Variants in UTP4 observed in about 807,000 individuals in gnomAD.
UTP4 encodes UTP4 small subunit processome component.
In UTP4, 45 loss-of-function variants were observed where a neutral mutation model predicts 82.4. That is an observed-to-expected ratio of 0.55 (90% CI 0.43 to 0.70). The LOEUF (loss-of-function observed/expected upper bound fraction) is 0.70. Among genes scored for constraint, UTP4 ranks in the 30% least tolerant of loss-of-function variants. The probability of loss-of-function intolerance (pLI) is 0.00; values close to 1 mark genes in which losing one functional copy is unlikely to be tolerated. For synonymous variants in UTP4, 348 were observed against 300.3 expected, an observed-to-expected ratio of 1.16 and a Z score of -1.64; for missense variants, 819 against 858.3, an observed-to-expected ratio of 0.95 and a Z score of 0.57.
intron 11 of UTP4, among the ~76,000 whole-genome samples, chr16:69,156,630 T>C (rs1487665706): frequency 6.6e-6 from 1 of 151,980 alleles, no homozygotes; most frequent in Admixed American, 6.6e-5. Context: ...GGCTACTTTT[T>C]GTATTTTTAG....
At chr16:69,142,710 C>T (rs1190640875) in intron 5 of UTP4, among the ~76,000 whole-genome samples, 2 of 152,194 alleles carry the variant, frequency 1.3e-5, no homozygotes, top group African/African-American at 2.4e-5. Flanking sequence ...CAAATTTTGT[C>T]ACTGATCTCT....
At chr16:69,157,706 C>T (rs1407912406) in intron 12 of UTP4, among the ~76,000 whole-genome samples, 1 of 151,854 alleles carries the variant, frequency 6.6e-6, no homozygotes, top group Non-Finnish European at 1.5e-5. Flanking sequence ...GTTATCTTCC[C>T]ATCTCAGCAT....
chr16:69,168,117 C>T (rs1963745054), intron 16 of UTP4, among the ~76,000 whole-genome samples: 1 of 152,106 alleles, frequency 6.6e-6, no homozygotes, highest in South Asian at 2.1e-4. Flanking sequence ...CCTGCTGAGA[C>T]CTTTTATGAG....
rs1280715489 is a variant in UTP4, at chr16:69,140,661, G to A, written c.526+747G>A. ...TGCACTCCAGCCTGACAACAAGAGT[G>A]AAACTGCGTCTCAAAAAAAAAAAAT... is the stretch of plus-strand genomic sequence containing the variant. On this transcript the variant is annotated intron_variant, in intron 5 of 16. Transcript: ENST00000314423. 2.6e-5 allele frequency among the ~76,000 whole-genome samples: 4 copies of A among 151,158 alleles called. No individual in the cohort carries two copies. The East Asian group carries it at 7.7e-4, about 29-fold the overall frequency.
intron 2 of UTP4, among the ~76,000 whole-genome samples, chr16:69,134,687 T>C (rs1236253047): frequency 1.3e-5 from 2 of 150,352 alleles, no homozygotes; most frequent in Non-Finnish European, 3.0e-5. Flanking sequence ...TGTGATTTTC[T>C]TTTTTTTTCT....
chr16:69,165,812 TAC>T, intron 15 of UTP4: 1 of 541,856 alleles, frequency 1.8e-6, no homozygotes, highest in South Asian at 2.1e-5. Context: ...ACATAAATCT[TAC>T]ACAGAAAAGT....
intron 5 of UTP4, among the ~76,000 whole-genome samples, chr16:69,142,779 G>C (rs934690847): frequency 6.6e-6 from 1 of 152,180 alleles, no homozygotes; most frequent in Non-Finnish European, 1.5e-5. Context: ...CAGTTGACCA[G>C]CTTTAAGTGA....
intron 2 of UTP4, 117 bp downstream of exon 2, chr16:69,133,735 T>A: frequency 9.6e-7 from 1 of 1,041,290 alleles, no homozygotes; most frequent in Non-Finnish European, 1.5e-6. Context: ...CCTCTGAAGT[T>A]GCTTAGAACT....
chr16:69,151,936 C>T (rs1301157153), intron 8 of UTP4, among the ~76,000 whole-genome samples: 1 of 151,544 alleles, frequency 6.6e-6, no homozygotes, highest in Admixed American at 6.6e-5. Flanking sequence ...CTCCCCACAC[C>T]TGCTGCCCCA....
chr16:69,148,613 CT>C (rs752824037), intron 6 of UTP4, among the ~76,000 whole-genome samples: 387 of 138,272 alleles, frequency 2.8e-3, no homozygotes, highest in Middle Eastern at 0.011. Context: ...ATCTTCATTA[CT>C]TTTTTTTTTT....
chr16:69,139,472 C>G (rs1426915098), intron 4 of UTP4, among the ~76,000 whole-genome samples: 1 of 151,178 alleles, frequency 6.6e-6, no homozygotes, highest in East Asian at 2.0e-4. Context: ...AACCCCATCT[C>G]CACTAAAAAT....
intron 1 of UTP4, among the ~76,000 whole-genome samples, chr16:69,133,163 G>A (rs955060613): frequency 2.6e-5 from 4 of 152,086 alleles, no homozygotes; most frequent in Non-Finnish European, 5.9e-5. Context: ...TAGAGTTGAG[G>A]AGAGATGCTT....
At chr16:69,138,382 C>T (rs955262796) in intron 4 of UTP4, among the ~76,000 whole-genome samples, 1 of 152,088 alleles carries the variant, frequency 6.6e-6, no homozygotes. Flanking sequence ...GGATTCCAGG[C>T]ACGTGCCATC....
chr16:69,133,059 G>A, intron 1 of UTP4: 1 of 285,286 alleles, frequency 3.5e-6, no homozygotes, highest in Non-Finnish European at 6.8e-6. Flanking sequence ...GTCAAACCCT[G>A]TCGTTTCTTC....
intron 12 of UTP4, among the ~76,000 whole-genome samples, chr16:69,158,747 A>C (rs769726418): frequency 2.6e-5 from 4 of 151,996 alleles, no homozygotes; most frequent in Non-Finnish European, 5.9e-5. Flanking sequence ...ACTCCTCGTC[A>C]CTTAGCTTGC....
At chr16:69,156,994 A>G in intron 11 of UTP4, 90 bp from the exon 12 acceptor site, 1 of 1,387,004 alleles carries the variant, frequency 7.2e-7, no homozygotes, top group Non-Finnish European at 1.0e-6. Flanking sequence ...GACAGGAAGC[A>G]TTAATGTACC....
chr16:69,160,580 T>C (rs1963539106), intron 13 of UTP4, 118 bp downstream of exon 13: 1 of 742,306 alleles, frequency 1.3e-6, no homozygotes, highest in Non-Finnish European at 2.3e-6. Context: ...CTTTTTTCTT[T>C]TTATTTTCTT....
intron 6 of UTP4, among the ~76,000 whole-genome samples, chr16:69,145,178 C>T (rs1963074426): frequency 6.6e-6 from 1 of 151,604 alleles, no homozygotes; most frequent in South Asian, 2.1e-4. Context: ...AATGATTTCA[C>T]CTAAGAGAAA....
intron 2 of UTP4, 97 bp downstream of exon 2, chr16:69,133,715 C>T: frequency 7.8e-7 from 1 of 1,275,596 alleles, no homozygotes; most frequent in Non-Finnish European, 1.1e-6. Flanking sequence ...GATTGAGTGA[C>T]TTCCTAGCCC....
Sources: gnomAD v4.1 joint callset for allele counts (sites outside exome capture counted in the v4.1 genomes callset) on GRCh38, gnomAD v4.1.1 for gene constraint, MANE v1.5 for transcripts, NCBI Gene and HGNC (gene_info 2026-07-23, HGNC 2026-07-21) for gene names.